The following PLPPR5 variants were observed in gnomAD, a reference collection of about 807,000 sequenced individuals.
PLPPR5 encodes the protein phospholipid phosphatase-related protein type 5.
A neutral mutation model predicts 33.9 loss-of-function variants in PLPPR5; 16 were observed. The observed-to-expected ratio is 0.47, with a 90% confidence interval of 0.32 to 0.72. PLPPR5 has a LOEUF of 0.72. PLPPR5 is among the 30% of genes least tolerant of loss of function. PLPPR5 has a pLI of 0.03. For missense variants in PLPPR5, 301 were observed against 406.7 expected, an observed-to-expected ratio of 0.74 and a Z score of 2.23; for synonymous variants, 163 against 150.3, an observed-to-expected ratio of 1.08 and a Z score of -0.62.
intron 5 of PLPPR5, among the ~76,000 whole-genome samples, chr1:98,911,284 C>G (rs991234350): frequency 6.6e-6 from 1 of 152,112 alleles, no homozygotes; most frequent in African/African-American, 2.4e-5. Context: ...AGGGGGAAAC[C>G]AAATCAGATT....
At chr1:98,970,512 ATATATG>A in intron 1 of PLPPR5, among the ~76,000 whole-genome samples, 1 of 151,826 alleles carries the variant, frequency 6.6e-6, no homozygotes, top group Non-Finnish European at 1.5e-5. Flanking sequence ...AGTTTATAAT[ATATATG>A]TATATTTATT....
chr1:98,973,418 C>T (rs1310389054), intron 1 of PLPPR5, among the ~76,000 whole-genome samples: 1 of 151,800 alleles, frequency 6.6e-6, no homozygotes. Context: ...GAAAGTCTTA[C>T]AAAAGTTGAT....
intron 1 of PLPPR5, among the ~76,000 whole-genome samples, chr1:98,967,603 A>T (rs1415813973): frequency 6.7e-6 from 1 of 150,062 alleles, no homozygotes; most frequent in Non-Finnish European, 1.5e-5. Flanking sequence ...TAGCTGAATG[A>T]TCTTAATTAA....
At chr1:98,992,174 A>G (rs1238396660) in intron 1 of PLPPR5, among the ~76,000 whole-genome samples, 1 of 152,166 alleles carries the variant, frequency 6.6e-6, no homozygotes, top group East Asian at 1.9e-4. Context: ...AATCCAAATT[A>G]AGAACACAGA....
At chr1:98,972,587 A>C (rs1651698584) in intron 1 of PLPPR5, among the ~76,000 whole-genome samples, 1 of 152,106 alleles carries the variant, frequency 6.6e-6, no homozygotes, top group Non-Finnish European at 1.5e-5. Context: ...TCTGAAGTCA[A>C]ACTAAAGCTC....
At chr1:98,941,867 TAAG>T (rs34010647) in intron 3 of PLPPR5, among the ~76,000 whole-genome samples, 17,950 of 151,536 alleles carry the variant, frequency 0.12, 1,354 homozygotes, top group East Asian at 0.22. Flanking sequence ...ACTGTGCTTA[TAAG>T]AAGAAGGTAA....
chr1:98,932,095 C>G (rs922019692), intron 3 of PLPPR5, among the ~76,000 whole-genome samples: 1 of 152,102 alleles, frequency 6.6e-6, no homozygotes, highest in African/African-American at 2.4e-5. Context: ...GCCTCAGTGG[C>G]CAACAGAAGT....
intron 5 of PLPPR5, among the ~76,000 whole-genome samples, chr1:98,904,802 G>T (rs140923934): frequency 6.6e-6 from 1 of 152,122 alleles, no homozygotes; most frequent in East Asian, 1.9e-4. Context: ...AGAGGTATCC[G>T]TGAAGAAAGA....
At chr1:98,930,546 A>G (rs1249973619) in intron 3 of PLPPR5, among the ~76,000 whole-genome samples, 1 of 152,120 alleles carries the variant, frequency 6.6e-6, no homozygotes, top group Non-Finnish European at 1.5e-5. Context: ...AAGACTCATC[A>G]TACCTTAGAA....
chr1:98,991,517 T>C (rs1652450638), intron 1 of PLPPR5, among the ~76,000 whole-genome samples: 1 of 152,274 alleles, frequency 6.6e-6, no homozygotes, highest in African/African-American at 2.4e-5. Flanking sequence ...AGACATCTTG[T>C]GTACAGTCAG....
intron 5 of PLPPR5, among the ~76,000 whole-genome samples, chr1:98,901,204 C>T (rs1243476245): frequency 1.3e-5 from 2 of 152,082 alleles, no homozygotes; most frequent in Non-Finnish European, 2.9e-5. Flanking sequence ...GACTCAAAAA[C>T]TCAAAATGCA....
At chr1:98,987,051 A>G (rs1652288481) in intron 1 of PLPPR5, among the ~76,000 whole-genome samples, 1 of 151,846 alleles carries the variant, frequency 6.6e-6, no homozygotes, top group African/African-American at 2.4e-5. Context: ...AAGTCTTTCA[A>G]TTATCACTCT....
intron 1 of PLPPR5, among the ~76,000 whole-genome samples, chr1:98,988,979 A>T (rs930496695): frequency 2.0e-5 from 3 of 152,114 alleles, no homozygotes; most frequent in Admixed American, 1.3e-4. Context: ...AAGTTGTACC[A>T]GTGATCCCTT....
rs1239226494 is a variant in PLPPR5, at chr1:98,953,101, G to C, written c.590C>G (p.Ala197Gly). The C allele has an allele frequency of 1.2e-6, 2 of 1,614,072 alleles. No individual in the cohort carries two copies. The highest frequency in any genetic ancestry group is 1.7e-6 in the Non-Finnish European group (2 of 1,179,990). The stretch of plus-strand genomic sequence containing the variant: ...ATACATAGCTGCATAGACACTGAGA[G>C]CTGCTTCTTTGGATGGAAAGGTTTT... ...ARKTFPSKEA[A>G]LSVYAAMYLT... The change falls in exon 3 of 6, where the codon GCT (alanine) becomes GGT (glycine). Residue 197 changes from alanine to glycine, a missense_variant. Coordinates refer to ENST00000263177, the MANE Select transcript of PLPPR5 (RefSeq NM_001037317.2).
At chr1:98,962,596 C>A (rs757239741) in intron 1 of PLPPR5, among the ~76,000 whole-genome samples, 4 of 152,158 alleles carry the variant, frequency 2.6e-5, no homozygotes, top group Non-Finnish European at 5.9e-5. Flanking sequence ...GCTCTTCAAA[C>A]TGTTACTGTC....
intron 1 of PLPPR5, among the ~76,000 whole-genome samples, chr1:98,977,816 T>G (rs1280897173): frequency 6.6e-6 from 1 of 151,802 alleles, no homozygotes; most frequent in African/African-American, 2.4e-5. Flanking sequence ...ATTCACATCA[T>G]CTATAGTAAA....
intron 1 of PLPPR5, among the ~76,000 whole-genome samples, chr1:98,987,884 G>A (rs554767109): frequency 7.1e-4 from 108 of 151,854 alleles, no homozygotes; most frequent in East Asian, 3.1e-3. Flanking sequence ...TTAAGCTACC[G>A]AAAATTTATA....
intron 1 of PLPPR5, chr1:99,004,162 C>T (rs540960105): frequency 6.0e-6 from 3 of 502,656 alleles, no homozygotes; most frequent in Non-Finnish European, 1.1e-5. Context: ...CTCCTCACCA[C>T]CTACGGCCCC....
At chr1:98,985,208 A>T (rs67795339) in intron 1 of PLPPR5, among the ~76,000 whole-genome samples, 28,512 of 151,942 alleles carry the variant, frequency 0.19, 2,751 homozygotes, top group East Asian at 0.26. Flanking sequence ...TTGCTGGAAC[A>T]TCCTAGGGAG....
Sources: allele counts gnomAD v4.1 joint callset (sites outside exome capture counted in the v4.1 genomes callset), GRCh38; gene constraint gnomAD v4.1.1; transcripts MANE v1.5; gene names NCBI Gene and HGNC (gene_info 2026-07-23, HGNC 2026-07-21).